The following FAM184B variants were observed in gnomAD, a reference collection of about 807,000 sequenced individuals.
The protein encoded by FAM184B is protein FAM184B.
Under a neutral mutation model 135.9 loss-of-function variants are expected in FAM184B, and 111 were observed. The ratio of observed to expected loss-of-function variants is 0.82; its 90% confidence interval spans 0.70 to 0.96. The LOEUF is 0.96. FAM184B is among the 40% of genes least tolerant of loss of function. The pLI, the probability that FAM184B is intolerant of heterozygous loss-of-function variation, is 0.00. For synonymous variants in FAM184B, 552 were observed against 524.8 expected, an observed-to-expected ratio of 1.05 and a Z score of -0.71; for missense variants, 1,375 against 1,323.9, an observed-to-expected ratio of 1.04 and a Z score of -0.60.
At chr4:17,761,286 C>T (rs950790037) in intron 1 of FAM184B, among the ~76,000 whole-genome samples, 4 of 152,036 alleles carry the variant, frequency 2.6e-5, no homozygotes, top group African/African-American at 9.7e-5. Flanking sequence ...CAGGAAAGGC[C>T]ATATGAGGAC....
chr4:17,633,129 C>G (rs982052346), intron 17 of FAM184B: 1 of 154,792 alleles, frequency 6.5e-6, no homozygotes, highest in Non-Finnish European at 1.4e-5. Flanking sequence ...ACCATGTTGC[C>G]CAGGCTGGTC....
chr4:17,744,287 C>T (rs533143389), intron 1 of FAM184B, among the ~76,000 whole-genome samples: 1 of 152,062 alleles, frequency 6.6e-6, no homozygotes, highest in South Asian at 2.1e-4. Context: ...TGCAATAGAC[C>T]AGGGGCTGCG....
At chr4:17,762,873 G>A (rs1157350274) in intron 1 of FAM184B, among the ~76,000 whole-genome samples, 1 of 152,130 alleles carries the variant, frequency 6.6e-6, no homozygotes, top group Non-Finnish European at 1.5e-5. Context: ...CCTACCAGCA[G>A]GGGATGCTGC....
intron 1 of FAM184B, among the ~76,000 whole-genome samples, chr4:17,753,762 G>C (rs1339148375): frequency 6.6e-6 from 1 of 152,232 alleles, no homozygotes; most frequent in Non-Finnish European, 1.5e-5. Flanking sequence ...CTTAGGGACA[G>C]AAGCACAGTC....
rs1474352322 is a variant in FAM184B at position 17,664,665 on chromosome 4, GC to G, written c.1597-7del. The G allele has an allele frequency of 3.3e-6, 5 of 1,505,042 alleles. No individual in the cohort carries two copies. Among genetic ancestry groups the G allele is most frequent in the Admixed American group, 4.6e-5 (2 of 43,220 alleles). The allele number at this position is 1,505,042 out of a possible 1,614,324, so 93.2% of individuals were successfully genotyped here. A position where few individuals can be genotyped will look rare whatever the true frequency, so the allele number is the denominator to read the frequency against. On this transcript the variant is annotated splice_region_variant and splice_polypyrimidine_tract_variant and intron_variant, in intron 7 of 17. Coordinates refer to ENST00000265018, the MANE Select transcript of FAM184B (RefSeq NM_015688.2). ...TCCAGCTTCAAGCATGGATCCTAAG[GC>G]CAAAAAAGAAAAAGAAAAAAAAAAA... is the stretch of plus-strand genomic sequence containing the variant.
rs544503744 is a variant in FAM184B, at chr4:17,685,347, G to A, written c.1596+3077C>T. 6.6e-5 allele frequency among the ~76,000 whole-genome samples: 10 copies of A among 151,470 alleles called. No homozygotes were observed. The South Asian group carries it at 1.9e-3, about 28-fold the overall frequency. On this transcript the variant is annotated intron_variant, in intron 7 of 17. Transcript: ENST00000265018. ...AGGCGGATCATGAGGTCAGGAGTTC[G>A]AGACTAGCCTGACCAATATGGTGAA...
At chr4:17,642,929 CCCGA>C (rs369362386) in intron 12 of FAM184B, among the ~76,000 whole-genome samples, 1,780 of 152,346 alleles carry the variant, frequency 0.012, 37 homozygotes, top group African/African-American at 0.04. Flanking sequence ...CTCAAACATG[CCCGA>C]CCACTTGTGC....
intron 1 of FAM184B, among the ~76,000 whole-genome samples, chr4:17,777,759 T>A (rs960830187): frequency 6.6e-6 from 1 of 152,042 alleles, no homozygotes; most frequent in Non-Finnish European, 1.5e-5. Flanking sequence ...GAAAAGATAA[T>A]GGAGGTAATG....
intron 5 of FAM184B, among the ~76,000 whole-genome samples, chr4:17,699,903 C>T (rs985387201): frequency 6.6e-6 from 1 of 152,012 alleles, no homozygotes; most frequent in Non-Finnish European, 1.5e-5. Flanking sequence ...CAATATATAA[C>T]AACTATTGTA....
intron 13 of FAM184B, 127 bp downstream of exon 13, chr4:17,641,929 G>C (rs1715329049): frequency 1.5e-6 from 2 of 1,350,614 alleles, no homozygotes; most frequent in African/African-American, 1.5e-5. Flanking sequence ...CTAGTGTCTT[G>C]TGGGGCAGGA....
intron 1 of FAM184B, among the ~76,000 whole-genome samples, chr4:17,732,254 C>A (rs1295166373): frequency 2.6e-5 from 4 of 151,970 alleles, no homozygotes; most frequent in Non-Finnish European, 4.4e-5. Flanking sequence ...AAATCGACAC[C>A]CTAACGTCAC....
intron 1 of FAM184B, among the ~76,000 whole-genome samples, chr4:17,720,720 T>C (rs1717503582): frequency 6.6e-6 from 1 of 151,496 alleles, no homozygotes; most frequent in Admixed American, 6.6e-5. Context: ...ACCCCGTCTC[T>C]ACTAAAAATG....
intron 14 of FAM184B, among the ~76,000 whole-genome samples, chr4:17,638,350 A>G (rs1376565037): frequency 7.0e-6 from 1 of 142,322 alleles, no homozygotes; most frequent in Non-Finnish European, 1.5e-5. Context: ...CACCATGCCC[A>G]GCAATTTTTT....
chr4:17,761,978 G>A (rs1267476881), intron 1 of FAM184B, among the ~76,000 whole-genome samples: 1 of 152,032 alleles, frequency 6.6e-6, no homozygotes, highest in Non-Finnish European at 1.5e-5. Flanking sequence ...GGGATCTCAG[G>A]CGCTCTCTCT....
chr4:17,721,404 A>AAAAAAAAAAAAAAAAAAC (rs1356056491), intron 1 of FAM184B, among the ~76,000 whole-genome samples: 1 of 149,974 alleles, frequency 6.7e-6, no homozygotes, highest in Admixed American at 6.6e-5. Context: ...AAAAAAAAAA[A>AAAAAAAAAAAAAAAAAAC]AATCTCTTTG....
At position 17,709,591 on chromosome 4, in the gene FAM184B, C is replaced by T. The variant is rs1461642450; in HGVS notation, c.195G>A (p.Ala65=). 5 of 1,542,978 alleles carry T rather than the reference C, an allele frequency of 3.2e-6. 1 individual carries two copies. In the South Asian group the frequency reaches 3.6e-5, roughly 11 times the overall value. The part of the protein sequence containing the change: ...RQDEAEASME[A]LREAHQEELQ... ...GCTCCTCCTGGTGCGCTTCCCGCAGCGCCTCCATGCTGGCCTCAGCCTCAT... is the reference window on the plus strand; with the variant it reads ...GCTCCTCCTGGTGCGCTTCCCGCAGTGCCTCCATGCTGGCCTCAGCCTCAT... Residue 65 remains alanine, a synonymous_variant, in exon 2 of 18, where the codon GCG becomes GCA. Transcript: ENST00000265018.
chr4:17,672,246 C>T (rs550444103), intron 7 of FAM184B, among the ~76,000 whole-genome samples: 63 of 67,874 alleles, frequency 9.3e-4, no homozygotes, highest in Non-Finnish European at 1.9e-3. Context: ...TGGGATGATA[C>T]ATTCAAAGTG....
intron 1 of FAM184B, among the ~76,000 whole-genome samples, chr4:17,750,564 C>T (rs1384902518): frequency 6.6e-6 from 1 of 152,150 alleles, no homozygotes; most frequent in Non-Finnish European, 1.5e-5. Context: ...TATTTCACAG[C>T]ATTCTTGGTG....
intron 7 of FAM184B, among the ~76,000 whole-genome samples, chr4:17,669,845 T>G (rs1250663725): frequency 3.3e-5 from 5 of 152,172 alleles, no homozygotes; most frequent in Non-Finnish European, 7.4e-5. Flanking sequence ...AAGCTAAACC[T>G]AATAGCTAAA....
Sources: gnomAD v4.1 joint callset for allele counts (sites outside exome capture counted in the v4.1 genomes callset) on GRCh38, gnomAD v4.1.1 for gene constraint, MANE v1.5 for transcripts, NCBI Gene and HGNC (gene_info 2026-07-23, HGNC 2026-07-21) for gene names.